CNDP1: variants seen among roughly 807,000 people sequenced by gnomAD.
CNDP1 encodes the protein beta-Ala-His dipeptidase.
A neutral mutation model predicts 58.1 loss-of-function variants in CNDP1; 44 were observed. The ratio of observed to expected loss-of-function variants is 0.76; its 90% CI spans 0.60 to 0.97. CNDP1 has a LOEUF of 0.97. Ranked by LOEUF, CNDP1 falls within the 50% of genes least tolerant of loss-of-function variation. CNDP1 has a pLI of 0.00. For synonymous variants in CNDP1, 254 were observed against 252.6 expected, an observed-to-expected ratio of 1.01 and a Z score of -0.05; for missense variants, 616 against 655.1, an observed-to-expected ratio of 0.94 and a Z score of 0.65.
At chr18:74,543,519 TAAAATAAA>T (rs1173769491) in intron 1 of CNDP1, among the ~76,000 whole-genome samples, 1 of 147,610 alleles carries the variant, frequency 6.8e-6, no homozygotes, top group African/African-American at 2.6e-5. Context: ...CAAAATAAAA[TAAAATAAA>T]ATAAAATAAA....
intron 2 of CNDP1, among the ~76,000 whole-genome samples, chr18:74,557,418 G>C (rs1433044426): frequency 6.6e-6 from 1 of 152,148 alleles, no homozygotes; most frequent in Non-Finnish European, 1.5e-5. Context: ...GGGAGTGGGG[G>C]TAAAGTAGAG....
At position 74,551,395 on chromosome 18, in the gene CNDP1, A is replaced by C. The variant is rs73971286; in HGVS notation, c.25-4943A>C. 6.4e-3 allele frequency among the ~76,000 whole-genome samples: 697 copies of C among 109,526 alleles called. 4 individuals carry two copies. Among genetic ancestry groups the C allele is most frequent in the African/African-American group, 0.023 (659 of 28,842 alleles). The allele number at this position is 109,526 out of a possible 152,430, so 71.9% of individuals were successfully genotyped here. A position where few individuals can be genotyped will look rare whatever the true frequency, so the allele number is the denominator to read the frequency against. On this transcript the variant is annotated intron_variant, in intron 1 of 11. Coordinates refer to ENST00000358821, the MANE Select transcript of CNDP1 (RefSeq NM_032649.6). The stretch of plus-strand genomic sequence containing the variant: ...ACACACACACACACACACACACACA[A>C]ACAAAAACAGAGGCATGGAGGAACA...
intron 7 of CNDP1, among the ~76,000 whole-genome samples, chr18:74,575,716 T>C (rs913813227): frequency 6.6e-6 from 1 of 151,586 alleles, no homozygotes; most frequent in Non-Finnish European, 1.5e-5. Context: ...GTCTTTATTA[T>C]AATATACTCT....
Position 74,584,729 on chromosome 18 carries a change from A to C in CNDP1, c.*167A>C. On this transcript the variant is annotated 3_prime_UTR_variant, in exon 12 of 12. Transcript: ENST00000358821. ...TCTGGATCAGTAATAAAATATTTCA[A>C]AGGCACAGATGTTGGAAATGGTTTA... 1 of 598,938 alleles carries C rather than the reference A, an allele frequency of 1.7e-6. No individual in the cohort carries two copies. Among genetic ancestry groups the C allele is most frequent in the Non-Finnish European group, 3.0e-6 (1 of 334,918 alleles). 37.1% of individuals were successfully genotyped at this position (598,938 alleles called of 1,614,324 possible).
chr18:74,577,126 A>G (rs946941359), intron 8 of CNDP1, 97 bp downstream of exon 8: 5 of 1,120,680 alleles, frequency 4.5e-6, no homozygotes, highest in Non-Finnish European at 6.2e-6. Flanking sequence ...TAATCTCCGT[A>G]TCTTAGAATC....
At chr18:74,538,720 C>T (rs1034642730) in intron 1 of CNDP1, among the ~76,000 whole-genome samples, 35 of 152,134 alleles carry the variant, frequency 2.3e-4, no homozygotes, top group Admixed American at 4.6e-4. Context: ...TTGTGATTCC[C>T]GGCATCCTCT....
At chr18:74,582,788 G>A (rs1981819870) in intron 10 of CNDP1, among the ~76,000 whole-genome samples, 1 of 152,186 alleles carries the variant, frequency 6.6e-6, no homozygotes, top group Admixed American at 6.5e-5. Flanking sequence ...GGGAAAAAGG[G>A]AAAGACCGGT....
At chr18:74,553,560 G>T (rs1320138087) in intron 1 of CNDP1, among the ~76,000 whole-genome samples, 1 of 152,132 alleles carries the variant, frequency 6.6e-6, no homozygotes, top group Non-Finnish European at 1.5e-5. Context: ...ATGAAAATCA[G>T]TTGATCATAA....
At position 74,583,676 on chromosome 18, in the gene CNDP1, T is replaced by C. The variant is rs1297351058; in HGVS notation, c.1425T>C (p.Asp475=). The change falls in exon 11 of 12, where the codon GAT becomes GAC. Residue 475 remains aspartate (D), a synonymous_variant. Coordinates refer to ENST00000358821, the MANE Select transcript of CNDP1 (RefSeq NM_032649.6). The part of the protein sequence containing the change: ...VVLIPLGAVD[D]GEHSQNEKIN... The stretch of plus-strand genomic sequence containing the variant: ...TAATTCCGCTGGGAGCTGTTGATGA[T>C]GGAGAACATTCGCAGAATGAGAAAA... 4 of 1,614,182 alleles carry C rather than the reference T, an allele frequency of 2.5e-6. No individual in the cohort carries two copies. Among genetic ancestry groups the C allele is most frequent in the Admixed American group, 1.7e-5 (1 of 60,024 alleles).
rs922237676 is a variant in CNDP1 at position 74,556,280 on chromosome 18, C to T, written c.25-58C>T. The T allele has an allele frequency of 1.4e-5, 22 of 1,587,320 alleles. No individual in the cohort carries two copies. In the East Asian group the frequency reaches 1.8e-4, roughly 13 times the overall value. Reference sequence around the variant, plus strand: ...ACCTTCTTGAGGAATTTGGAAGGTCCGAAGTCCAGCAACTGGCATTGATTT... The same window carrying T: ...ACCTTCTTGAGGAATTTGGAAGGTCTGAAGTCCAGCAACTGGCATTGATTT... On this transcript the variant is annotated intron_variant, in intron 1 of 11. Transcript: ENST00000358821.
Position 74,584,073 on chromosome 18 carries a change from G to T in CNDP1, c.1457+365G>T, listed in dbSNP as rs756730584. 5 of 299,080 alleles carry T rather than the reference G, an allele frequency of 1.7e-5. No individual in the cohort carries two copies. The Admixed American group carries it at 1.9e-4, about 11-fold the overall frequency. 18.5% of individuals were successfully genotyped at this position (299,080 alleles called of 1,614,324 possible). On this transcript the variant is annotated intron_variant, in intron 11 of 11. Transcript: ENST00000358821. Reference sequence around the variant, plus strand: ...CCCTGTCTCCAAATACAGACACACTGGGGGGTTAGGGGTTCAACACAGGAC... The same window carrying T: ...CCCTGTCTCCAAATACAGACACACTTGGGGGTTAGGGGTTCAACACAGGAC...
intron 1 of CNDP1, among the ~76,000 whole-genome samples, chr18:74,553,793 T>C (rs1333453799): frequency 6.6e-6 from 1 of 152,210 alleles, no homozygotes; most frequent in Non-Finnish European, 1.5e-5. Context: ...CCTGAATGCC[T>C]GCCCTTCTCC....
At chr18:74,551,922 A>C (rs1247799210) in intron 1 of CNDP1, among the ~76,000 whole-genome samples, 1 of 144,950 alleles carries the variant, frequency 6.9e-6, no homozygotes, top group Non-Finnish European at 1.5e-5. Context: ...AAAAAAAAAC[A>C]AAAAAAAAAC....
chr18:74,583,548 T>C lies in CNDP1; in HGVS notation c.1310-13T>C. Reference sequence around the variant, plus strand: ...TCCTTACCCTATTCAAATGCCTTCTTTTCCTGTCTCAGTGTTTGGAACAGA... The same window carrying C: ...TCCTTACCCTATTCAAATGCCTTCTCTTCCTGTCTCAGTGTTTGGAACAGA... On this transcript the variant is annotated splice_polypyrimidine_tract_variant and intron_variant, in intron 10 of 11. Transcript: ENST00000358821. The C allele has an allele frequency of 6.2e-7, 1 of 1,613,390 alleles. No homozygotes were observed. The highest frequency in any genetic ancestry group is 8.5e-7 in the Non-Finnish European group (1 of 1,179,338).
At chr18:74,579,185 CT>C (rs1170536323) in intron 9 of CNDP1, among the ~76,000 whole-genome samples, 90 of 80,898 alleles carry the variant, frequency 1.1e-3, no homozygotes, top group Non-Finnish European at 1.7e-3. Context: ...TCCCTTCTCC[CT>C]TTCCTTCCCT....
chr18:74,563,758 A>G (rs1981260656), intron 5 of CNDP1, among the ~76,000 whole-genome samples: 1 of 152,316 alleles, frequency 6.6e-6, no homozygotes, highest in South Asian at 2.1e-4. Context: ...TAGGAGGCAG[A>G]GTGAGCACTA....
chr18:74,570,033 C>CA lies in CNDP1; in HGVS notation c.757-1134dup, dbSNP rs56365298. On this transcript the variant is annotated intron_variant, in intron 6 of 11. Coordinates refer to ENST00000358821, the MANE Select transcript of CNDP1 (RefSeq NM_032649.6). ...AAACCCTGTCTTTATGAAGAAAATACAAAAAAAAAAAAAAAAAAAGCTGGG... is the reference window on the plus strand; with the variant it reads ...AAACCCTGTCTTTATGAAGAAAATACAAAAAAAAAAAAAAAAAAAAGCTGGG... Among the ~76,000 whole-genome samples, 368 of 94,114 alleles carry CA rather than the reference C, an allele frequency of 3.9e-3. 7 individuals carry two copies. The highest frequency in any genetic ancestry group is 0.013 in the African/African-American group (292 of 23,026). The allele number at this position is 94,114 out of a possible 152,430, so 61.7% of individuals were successfully genotyped here.
intron 10 of CNDP1, among the ~76,000 whole-genome samples, chr18:74,581,432 G>T (rs1479013290): frequency 6.6e-6 from 1 of 152,042 alleles, no homozygotes; most frequent in Non-Finnish European, 1.5e-5. Context: ...GCACAGCATT[G>T]CCCAGGAGGA....
chr18:74,538,187 T>C (rs967208102), intron 1 of CNDP1, among the ~76,000 whole-genome samples: 1 of 152,204 alleles, frequency 6.6e-6, no homozygotes, highest in Non-Finnish European at 1.5e-5. Context: ...ATGACCCTCC[T>C]ATTCGCCCCT....
Sources: allele counts gnomAD v4.1 joint callset (sites outside exome capture counted in the v4.1 genomes callset), GRCh38; gene constraint gnomAD v4.1.1; transcripts MANE v1.5; gene names NCBI Gene and HGNC (gene_info 2026-07-23, HGNC 2026-07-21).